Variants in PTPRT observed in about 807,000 individuals in gnomAD.
PTPRT encodes the protein receptor-type tyrosine-protein phosphatase T.
Under a neutral mutation model 176.8 loss-of-function variants are expected in PTPRT, and 56 were observed. The observed-to-expected ratio is 0.32, with a 90% CI of 0.26 to 0.40. The LOEUF (loss-of-function observed/expected upper bound fraction) is 0.40, where lower values mean the gene tolerates loss of function less well. Ranked by LOEUF, PTPRT falls within the 10% of genes least tolerant of loss-of-function variation. PTPRT has a pLI of 1.00. For missense variants in PTPRT, 1,540 were observed against 1,908.2 expected, an observed-to-expected ratio of 0.81 and a Z score of 3.60; for synonymous variants, 783 against 739.0, an observed-to-expected ratio of 1.06 and a Z score of -0.96.
At chr20:42,728,314 T>A (rs1004716134) in intron 6 of PTPRT, among the ~76,000 whole-genome samples, 1 of 152,162 alleles carries the variant, frequency 6.6e-6, no homozygotes. Flanking sequence ...GCCGGAGAAT[T>A]TACATTTCTG....
chr20:42,490,681 A>C (rs2071547204), intron 7 of PTPRT, among the ~76,000 whole-genome samples: 2 of 151,968 alleles, frequency 1.3e-5, no homozygotes. Flanking sequence ...CATACATCTT[A>C]TTTCTTTTTC....
At chr20:42,156,911 G>A (rs1381429971) in intron 17 of PTPRT, among the ~76,000 whole-genome samples, 1 of 152,192 alleles carries the variant, frequency 6.6e-6, no homozygotes, top group Non-Finnish European at 1.5e-5. Context: ...GTAGCTAGAA[G>A]GAAGTAAGGT....
At chr20:42,111,890 G>C (rs1206789830) in intron 22 of PTPRT, among the ~76,000 whole-genome samples, 8 of 152,168 alleles carry the variant, frequency 5.3e-5, no homozygotes, top group Admixed American at 5.2e-4. Flanking sequence ...AAGGCAGGGG[G>C]ACAGCATGGG....
chr20:42,213,878 T>A (rs752720967), intron 15 of PTPRT, among the ~76,000 whole-genome samples: 1 of 152,174 alleles, frequency 6.6e-6, no homozygotes, highest in African/African-American at 2.4e-5. Context: ...GGTTAAGTCA[T>A]CTAGTTTGTG....
At chr20:42,985,216 G>A (rs761514219) in intron 1 of PTPRT, among the ~76,000 whole-genome samples, 3 of 152,114 alleles carry the variant, frequency 2.0e-5, no homozygotes, top group Non-Finnish European at 4.4e-5. Context: ...TGGGAATACC[G>A]CCGGGTGTGG....
intron 12 of PTPRT, among the ~76,000 whole-genome samples, chr20:42,294,860 A>G (rs2057366133): frequency 6.6e-6 from 1 of 152,140 alleles, no homozygotes; most frequent in African/African-American, 2.4e-5. Flanking sequence ...AATGAAGATT[A>G]AATTACCAGA....
At chr20:42,226,674 G>C (rs1169823288) in intron 15 of PTPRT, among the ~76,000 whole-genome samples, 1 of 152,156 alleles carries the variant, frequency 6.6e-6, no homozygotes, top group Non-Finnish European at 1.5e-5. Flanking sequence ...GGGGATGCTT[G>C]CTGAAGGTAG....
At position 42,550,093 on chromosome 20, in the gene PTPRT, A is replaced by C. The variant is rs948605081; in HGVS notation, c.1154-77531T>G. Among the ~76,000 whole-genome samples the C allele has an allele frequency of 2.6e-5, 4 of 152,136 alleles. No individual in the cohort carries two copies. In the East Asian group the frequency reaches 7.7e-4, roughly 29 times the overall value. ...TTTATAGAATGACCACTCTGTATTGAATAGCTATCGCTTTGTCTTCTGTAC... is the reference window on the plus strand; with the variant it reads ...TTTATAGAATGACCACTCTGTATTGCATAGCTATCGCTTTGTCTTCTGTAC... On this transcript the variant is annotated intron_variant, in intron 7 of 30. Transcript: ENST00000373187.
At chr20:43,129,419 G>C (rs888444345) in intron 1 of PTPRT, among the ~76,000 whole-genome samples, 4 of 152,070 alleles carry the variant, frequency 2.6e-5, no homozygotes, top group South Asian at 2.1e-4. Context: ...TTTCCAGTTT[G>C]TGCACATCGC....
intron 12 of PTPRT, among the ~76,000 whole-genome samples, chr20:42,306,354 A>C (rs1462660647): frequency 6.6e-6 from 1 of 152,166 alleles, no homozygotes; most frequent in African/African-American, 2.4e-5. Context: ...TGCCCAAGTG[A>C]GTGGGTAAGC....
At chr20:42,793,560 A>G (rs2077408007) in intron 2 of PTPRT, among the ~76,000 whole-genome samples, 1 of 152,236 alleles carries the variant, frequency 6.6e-6, no homozygotes, top group South Asian at 2.1e-4. Context: ...GAAGTGGAAC[A>G]AAGGTGCGGG....
At chr20:42,118,298 G>A (rs1426675176) in intron 21 of PTPRT, 105 bp downstream of exon 21, 3 of 954,570 alleles carry the variant, frequency 3.1e-6, no homozygotes, top group Non-Finnish European at 3.1e-6. Context: ...TGCCGTGAGG[G>A]TGAAATACTG....
At chr20:43,101,491 C>A (rs897462066) in intron 1 of PTPRT, among the ~76,000 whole-genome samples, 1 of 152,062 alleles carries the variant, frequency 6.6e-6, no homozygotes, top group African/African-American at 2.4e-5. Flanking sequence ...GATTTTAATG[C>A]GTACCTCATA....
chr20:42,929,075 C>G (rs1280282447), intron 1 of PTPRT, among the ~76,000 whole-genome samples: 1 of 152,236 alleles, frequency 6.6e-6, no homozygotes, highest in East Asian at 1.9e-4. Flanking sequence ...GCAGGTAAGA[C>G]AGTAAGTCAC....
chr20:42,328,049 A>G (rs1039938359), intron 11 of PTPRT, among the ~76,000 whole-genome samples: 3 of 152,120 alleles, frequency 2.0e-5, no homozygotes, highest in Admixed American at 6.5e-5. Context: ...ATTCTGCACA[A>G]ATGAAAACCT....
chr20:42,985,235 A>G (rs1450186157), intron 1 of PTPRT, among the ~76,000 whole-genome samples: 1 of 152,120 alleles, frequency 6.6e-6, no homozygotes, highest in Non-Finnish European at 1.5e-5. Context: ...GGTGGCTCAC[A>G]CCTGTAATCC....
chr20:42,055,819 A>C, the PTPRT span, among the ~76,000 whole-genome samples: 146 of 152,320 alleles, frequency 9.6e-4, no homozygotes, highest in Non-Finnish European at 8.2e-4. Flanking sequence ...ACTGGTCTGG[A>C]ACAGGTGCCT....
intron 9 of PTPRT, among the ~76,000 whole-genome samples, chr20:42,363,298 ATATT>A (rs1325091894): frequency 9.0e-5 from 2 of 22,280 alleles, no homozygotes; most frequent in South Asian, 1.9e-3. Context: ...ATATATATAT[ATATT>A]TTTTTTTTTT....
intron 7 of PTPRT, among the ~76,000 whole-genome samples, chr20:42,524,375 A>G (rs2072231584): frequency 1.3e-5 from 2 of 152,150 alleles, no homozygotes; most frequent in South Asian, 2.1e-4. Context: ...GTTTATTACA[A>G]TACCTTTCTC....
Sources: allele counts gnomAD v4.1 joint callset (sites outside exome capture counted in the v4.1 genomes callset), GRCh38; gene constraint gnomAD v4.1.1; transcripts MANE v1.5; gene names NCBI Gene and HGNC (gene_info 2026-07-23, HGNC 2026-07-21).